POTEF: variants seen among roughly 807,000 people sequenced by gnomAD.
The protein encoded by POTEF is ANKRD26-like family C member 1B.
In POTEF, 20 loss-of-function variants were observed where a neutral mutation model predicts 83.2. The ratio of observed to expected loss-of-function variants is 0.24; its 90% CI spans 0.17 to 0.35. POTEF has a LOEUF of 0.35. Among genes scored for constraint, POTEF ranks in the 10% least tolerant of loss-of-function variants. The pLI is 1.00. For missense variants in POTEF, 550 were observed against 1,203.2 expected (o/e 0.46, Z 8.03); for synonymous variants, 196 against 446.4 (o/e 0.44, Z 7.07).
At position 130,122,820 on chromosome 2, in the gene POTEF, T is replaced by A. The variant is rs1685026486; in HGVS notation, c.-93-2212A>T. ...GTTGCTATTATAAATGGAATTACCT[T>A]ATTTTTCAGATAACAGTTTGTCATT... is the stretch of plus-strand genomic sequence containing the variant. On this transcript the variant is annotated intron_variant, in intron 2 of 16. Transcript: ENST00000409914. 2.0e-5 allele frequency among the ~76,000 whole-genome samples: 3 copies of A among 151,884 alleles called. No individual in the cohort carries two copies. In the South Asian group the frequency reaches 6.2e-4, roughly 32 times the overall value.
Position 130,074,918 on chromosome 2 carries a change from C to G in POTEF, c.2554G>C (p.Val852Leu). The change falls in exon 17 of 17, where the codon GTG (valine) becomes CTG (leucine). Residue 852 changes from valine to leucine, a missense_variant. Transcript: ENST00000409914. The part of the protein sequence containing the change: ...LYTSGRTTGI[V>L]MDSGDGVTHT... ...GTGACCCCGTCACCAGAGTCCATCA[C>G]GATGCCAGTAGTACGGCCAGAGGTG... The G allele has an allele frequency of 6.2e-7, 1 of 1,603,104 alleles. No homozygotes were observed. Among genetic ancestry groups the G allele is most frequent in the African/African-American group, 1.4e-5 (1 of 71,294 alleles).
At chr2:130,121,354 C>A (rs1178070603) in intron 2 of POTEF, among the ~76,000 whole-genome samples, 2 of 147,272 alleles carry the variant, frequency 1.4e-5, no homozygotes, top group South Asian at 2.2e-4. Context: ...GCGTCTGGAA[C>A]TTGAGGATGC....
chr2:130,109,073 C>T (rs1267153695), intron 7 of POTEF: 1 of 151,196 alleles, frequency 6.6e-6, no homozygotes, highest in South Asian at 2.1e-4. Flanking sequence ...TCTCATAGAC[C>T]ATCTTACATG....
At chr2:130,125,527 A>G (rs1420053132) in intron 2 of POTEF, among the ~76,000 whole-genome samples, 2 of 149,694 alleles carry the variant, frequency 1.3e-5, no homozygotes, top group East Asian at 4.0e-4. Flanking sequence ...TAGAGGAATC[A>G]GTAAAATAAA....
chr2:130,126,789 G>A (rs916393000), intron 2 of POTEF, among the ~76,000 whole-genome samples: 25 of 151,974 alleles, frequency 1.6e-4, no homozygotes, highest in African/African-American at 6.1e-4. Context: ...TTGGCTTGTT[G>A]TTTGTTAAGG....
In POTEF at chr2:130,074,192, A is replaced by G. The variant is rs1283580207; in HGVS notation, c.*52T>C. The G allele has an allele frequency of 6.3e-7, 1 of 1,597,956 alleles. No homozygotes were observed. Among genetic ancestry groups the G allele is most frequent in the South Asian group, 1.1e-5 (1 of 89,004 alleles). On this transcript the variant is annotated 3_prime_UTR_variant, in exon 17 of 17. Coordinates refer to ENST00000409914, the MANE Select transcript of POTEF (RefSeq NM_001099771.2). ...CATGCCAATCTCATGTTGTTTTCTG[A>G]GAAGTTTGGTTTTGTCAAGAAAGGG...
At chr2:130,121,377 T>C (rs2104829852) in intron 2 of POTEF, among the ~76,000 whole-genome samples, 1 of 142,700 alleles carries the variant, frequency 7.0e-6, no homozygotes, top group Admixed American at 6.9e-5. Context: ...ACAGCCTCCT[T>C]TGAAAAAAGC....
chr2:130,103,163 C>A (rs1684421051), intron 8 of POTEF, among the ~76,000 whole-genome samples: 1 of 146,692 alleles, frequency 6.8e-6, no homozygotes, highest in Admixed American at 6.7e-5. Flanking sequence ...TGCAGTGGCG[C>A]AATCTCAGCT....
chr2:130,123,799 A>G (rs1219494253), intron 2 of POTEF, among the ~76,000 whole-genome samples: 1 of 141,736 alleles, frequency 7.1e-6, no homozygotes, highest in Non-Finnish European at 1.5e-5. Flanking sequence ...AAAATATATC[A>G]CTAATGGTTG....
intron 2 of POTEF, among the ~76,000 whole-genome samples, chr2:130,121,066 G>T (rs6731291): frequency 0.61 from 92,200 of 150,064 alleles, 28,304 homozygotes; most frequent in Admixed American, 0.72. Flanking sequence ...TGCGCGTGCG[G>T]CGTGCGCGTG....
At chr2:130,109,601 C>A (rs1684649097) in intron 7 of POTEF, 1 of 151,236 alleles carries the variant, frequency 6.6e-6, no homozygotes, top group African/African-American at 2.5e-5. Context: ...ATAAAGGTGC[C>A]TCACAGTACA....
chr2:130,074,976 C>A lies in POTEF; in HGVS notation c.2496G>T (p.Met832Ile). 6.2e-7 allele frequency: 1 copy of A among 1,612,620 alleles called. No homozygotes were observed. Among genetic ancestry groups the A allele is most frequent in the South Asian group, 1.1e-5 (1 of 90,978 alleles). The change falls in exon 17 of 17, where the codon ATG becomes ATT. Residue 832 changes from methionine to isoleucine, a missense_variant. By Grantham distance (10) the Met-to-Ile change is conservative. Coordinates refer to ENST00000409914, the MANE Select transcript of POTEF (RefSeq NM_001099771.2). ...IMFETFNTPA[M>I]YVAIQAVLSL... ...ACAGCACAGCCTGGATGGCCACGTA[C>A]ATGGCTGGGGTGTTGAAGGTCTCAA...
chr2:130,127,476 TC>T (rs1685126267), intron 2 of POTEF, among the ~76,000 whole-genome samples: 2 of 149,872 alleles, frequency 1.3e-5, no homozygotes, highest in Admixed American at 6.6e-5. Flanking sequence ...AGGACTCCTT[TC>T]CCTAAGTGCA....
Position 130,120,230 on chromosome 2 carries a change from T to A in POTEF, c.286A>T (p.Asn96Tyr). 1 of 1,598,190 alleles carries A rather than the reference T, an allele frequency of 6.3e-7. No individual in the cohort carries two copies. The highest frequency in any genetic ancestry group is 8.5e-7 in the Non-Finnish European group (1 of 1,174,918). ...TGGCAGCACCACTTGCCCATCTTGTTCCTGAGTGTCTTCATAGCAGAGTCG... is the reference window on the plus strand; with the variant it reads ...TGGCAGCACCACTTGCCCATCTTGTACCTGAGTGTCTTCATAGCAGAGTCG... The part of the protein sequence containing the change: ...HDDSAMKTLR[N>Y]KMGKWCCHCF... Residue 96 changes from asparagine to tyrosine, a missense_variant, in exon 3 of 17, where the codon AAC (asparagine) becomes TAC (tyrosine). Transcript: ENST00000409914.
Position 130,075,070 on chromosome 2 carries a change from T to A in POTEF, c.2402A>T (p.His801Leu). Residue 801 changes from histidine (H) to leucine (L), a missense_variant, in exon 17 of 17, where the codon CAC (histidine) becomes CTC (leucine). Physicochemically the swap from His to Leu is moderately conservative, Grantham distance 99. Transcript: ENST00000409914. ...GGTGGCCTCGGTCAGCAGGACGGGG[T>A]GCTCCTCGGGAGCCACACGCAGCTC... The part of the protein sequence containing the change: ...YNELRVAPEE[H>L]PVLLTEATLN... The A allele has an allele frequency of 6.2e-7, 1 of 1,613,794 alleles. No individual in the cohort carries two copies. The highest frequency in any genetic ancestry group is 1.1e-5 in the South Asian group (1 of 91,078).
chr2:130,092,940 G>A (rs1573598389), intron 12 of POTEF, among the ~76,000 whole-genome samples: 1 of 99,792 alleles, frequency 1.0e-5, no homozygotes, highest in African/African-American at 4.5e-5. Flanking sequence ...GAGGAACCAC[G>A]CCACACAGGA....
intron 2 of POTEF, among the ~76,000 whole-genome samples, chr2:130,122,729 T>C (rs559933908): frequency 6.6e-6 from 1 of 151,378 alleles, no homozygotes; most frequent in South Asian, 2.1e-4. Flanking sequence ...ATTTTCAGTA[T>C]ACAAATCGTT....
chr2:130,126,287 G>A (rs1192343124), intron 2 of POTEF, among the ~76,000 whole-genome samples: 1 of 86,778 alleles, frequency 1.2e-5, no homozygotes, highest in Non-Finnish European at 2.0e-5. Context: ...TGGGCAACAA[G>A]AGCAAAACTC....
At chr2:130,119,289 G>C (rs1242531308) in intron 3 of POTEF, among the ~76,000 whole-genome samples, 2 of 151,226 alleles carry the variant, frequency 1.3e-5, no homozygotes, top group African/African-American at 4.9e-5. Context: ...TCAGCCTCCT[G>C]AGTAGCCGGG....
Sources: gnomAD v4.1 joint callset for allele counts (sites outside exome capture counted in the v4.1 genomes callset) on GRCh38, gnomAD v4.1.1 for gene constraint, MANE v1.5 for transcripts, NCBI Gene and HGNC (gene_info 2026-07-23, HGNC 2026-07-21) for gene names.